Variants in UNC13B observed in about 807,000 individuals in gnomAD.
The protein encoded by UNC13B is protein unc-13 homolog B.
UNC13B carries 144 observed loss-of-function variants against 211.0 expected under a neutral mutation model. The ratio of observed to expected loss-of-function variants is 0.68; its 90% CI spans 0.60 to 0.78. The LOEUF is 0.78. Ranked by LOEUF, UNC13B falls within the 30% of genes least tolerant of loss-of-function variation. The pLI is 0.00. For synonymous variants in UNC13B, 709 were observed against 725.8 expected (o/e 0.98, Z 0.37); for missense variants, 1,777 against 2,002.0 (o/e 0.89, Z 2.14).
chr9:35,304,518 T>A lies in UNC13B; in HGVS notation c.5114T>A (p.Leu1705Gln), dbSNP rs1408331122. Residue 1705 changes from leucine (L) to glutamine (Q), a missense_variant, in exon 9 of 40, where the codon CTA (leucine) becomes CAA (glutamine). Leu to Gln is a moderately radical substitution (Grantham distance 113). Transcript: ENST00000635942. ...ATAGAGAGAGATAAAAACCAGCCTC[T>A]AGCTGAAGATTCATCAGTTCACCTT... Reference protein sequence around the residue: ...QIIERDKNQPLAEDSSVHLSS... With the variant: ...QIIERDKNQPQAEDSSVHLSS... The A allele has an allele frequency of 2.5e-6, 1 of 398,658 alleles. No homozygotes were observed. Among genetic ancestry groups the A allele is most frequent in the African/African-American group, 2.1e-5 (1 of 48,618 alleles). The allele number at this position is 398,658 out of a possible 1,614,324, so 24.7% of individuals were successfully genotyped here. A position where few individuals can be genotyped will look rare whatever the true frequency, so the allele number is the denominator to read the frequency against.
In UNC13B at chr9:35,382,386, T is replaced by C. The variant is rs77118641; in HGVS notation, c.10685T>C (p.Met3562Thr). 75 of 1,613,932 alleles carry C rather than the reference T, an allele frequency of 4.6e-5. 1 individual carries two copies. In the East Asian group the frequency reaches 1.6e-3, roughly 35 times the overall value. Residue 3562 changes from methionine to threonine, a missense_variant, in exon 21 of 40, where the codon ATG (methionine) becomes ACG (threonine). Transcript: ENST00000635942. Reference sequence around the variant, plus strand: ...TTTGCATGTTTATCATCCAAGTACATGTGTCCTGGTGTGCCAGCAGTGATG... The same window carrying C: ...TTTGCATGTTTATCATCCAAGTACACGTGTCCTGGTGTGCCAGCAGTGATG... The part of the protein sequence containing the change: ...THFACLSSKY[M>T]CPGVPAVMST...
intron 12 of UNC13B, among the ~76,000 whole-genome samples, chr9:35,368,093 G>A (rs1833889458): frequency 6.6e-6 from 1 of 152,028 alleles, no homozygotes; most frequent in South Asian, 2.1e-4. Context: ...TAGGTTCAGG[G>A]GTACATGTGC....
At chr9:35,376,826 A>G (rs1587726744) in intron 15 of UNC13B, among the ~76,000 whole-genome samples, 1 of 152,232 alleles carries the variant, frequency 6.6e-6, no homozygotes. Flanking sequence ...AGTGGGGACA[A>G]TAGGAGCAGG....
intron 11 of UNC13B, among the ~76,000 whole-genome samples, chr9:35,334,617 A>G (rs1587643146): frequency 1.3e-5 from 2 of 152,330 alleles, no homozygotes; most frequent in South Asian, 2.1e-4. Flanking sequence ...TTTTCCTTGC[A>G]TACTTACAGG....
At chr9:35,351,503 AC>A (rs1832717284) in intron 11 of UNC13B, 1 of 1,232,076 alleles carries the variant, frequency 8.1e-7, no homozygotes, top group African/African-American at 1.6e-5. Context: ...GAAGCAGAGA[AC>A]CCCTCAAACC....
chr9:35,384,327 A>C lies in UNC13B; in HGVS notation c.10875+13A>C, dbSNP rs367843778. The C allele has an allele frequency of 1.4e-5, 22 of 1,613,210 alleles. No individual in the cohort carries two copies. The African/African-American group carries it at 2.8e-4, about 21-fold the overall frequency. On this transcript the variant is annotated intron_variant, in intron 22 of 39. Coordinates refer to ENST00000635942, the MANE Select transcript of UNC13B (RefSeq NM_001371189.2). Reference sequence around the variant, plus strand: ...CTCTACATACAGGGTGAGTGAAGACACGGCTGTGGGCAGGATAATAGATAT... The same window carrying C: ...CTCTACATACAGGGTGAGTGAAGACCCGGCTGTGGGCAGGATAATAGATAT...
At chr9:35,285,356 C>G (rs1828730801) in intron 7 of UNC13B, among the ~76,000 whole-genome samples, 1 of 152,108 alleles carries the variant, frequency 6.6e-6, no homozygotes, top group Non-Finnish European at 1.5e-5. Flanking sequence ...TTGAAAAGCC[C>G]TTTGAATTAG....
At chr9:35,171,624 G>A (rs970070209) in intron 1 of UNC13B, among the ~76,000 whole-genome samples, 7 of 152,134 alleles carry the variant, frequency 4.6e-5, no homozygotes, top group East Asian at 1.9e-4. Context: ...GGCTGGTGTC[G>A]AACTCCTGGC....
intron 11 of UNC13B, among the ~76,000 whole-genome samples, chr9:35,349,452 A>G (rs1055369255): frequency 1.3e-5 from 2 of 152,000 alleles, no homozygotes; most frequent in Non-Finnish European, 2.9e-5. Context: ...AGCGTGGTCT[A>G]CCTAGGCAGC....
Position 35,308,202 on chromosome 9 carries a change from C to T in UNC13B, c.8798C>T (p.Ala2933Val). 2.5e-6 allele frequency: 1 copy of T among 399,788 alleles called. No homozygotes were observed. The highest frequency in any genetic ancestry group is 1.3e-4 in the South Asian group (1 of 7,870). 24.8% of individuals were successfully genotyped at this position (399,788 alleles called of 1,614,324 possible). A position where few individuals can be genotyped will look rare whatever the true frequency, so the allele number is the denominator to read the frequency against. The change falls in exon 9 of 40, where the codon GCA becomes GTA. Residue 2933 changes from alanine to valine, a missense_variant. Physicochemically the swap from Ala to Val is moderately conservative, Grantham distance 64. Coordinates refer to ENST00000635942, the MANE Select transcript of UNC13B (RefSeq NM_001371189.2). ...GEGGNQQEIS[A>V]SGEHWDTKAN... The stretch of plus-strand genomic sequence containing the variant: ...GGGGGAAACCAGCAGGAAATCTCAG[C>T]ATCTGGAGAACACTGGGATACCAAA...
intron 8 of UNC13B, among the ~76,000 whole-genome samples, chr9:35,298,122 A>G (rs1829489414): frequency 6.6e-6 from 1 of 152,186 alleles, no homozygotes; most frequent in African/African-American, 2.4e-5. Context: ...TTTAGTTTCT[A>G]AAATTCACTA....
intron 6 of UNC13B, among the ~76,000 whole-genome samples, chr9:35,248,670 A>G (rs1345340845): frequency 1.3e-5 from 2 of 152,046 alleles, no homozygotes; most frequent in African/African-American, 2.4e-5. Flanking sequence ...GCGGTTTTGA[A>G]TGAGTTTATT....
intron 7 of UNC13B, among the ~76,000 whole-genome samples, chr9:35,285,473 C>T (rs1828738057): frequency 6.6e-6 from 1 of 152,108 alleles, no homozygotes; most frequent in African/African-American, 2.4e-5. Context: ...AATCCCAGCA[C>T]TTTGGGAGCC....
At chr9:35,173,439 T>G (rs186943504) in intron 1 of UNC13B, among the ~76,000 whole-genome samples, 2,072 of 151,986 alleles carry the variant, frequency 0.014, 47 homozygotes, top group African/African-American at 0.047. Flanking sequence ...TTTTTTTTTT[T>G]TGGGGACAGA....
chr9:35,292,226 C>T (rs1829134502), intron 7 of UNC13B, among the ~76,000 whole-genome samples: 1 of 152,162 alleles, frequency 6.6e-6, no homozygotes, highest in Non-Finnish European at 1.5e-5. Flanking sequence ...TAGAGGGCCT[C>T]ATTTTTCTGT....
intron 7 of UNC13B, among the ~76,000 whole-genome samples, chr9:35,262,081 A>G (rs1210128017): frequency 6.6e-6 from 1 of 152,156 alleles, no homozygotes; most frequent in Non-Finnish European, 1.5e-5. Context: ...TTGCTGCAAC[A>G]AACATAGGAG....
chr9:35,273,820 A>T (rs142931059), intron 7 of UNC13B, among the ~76,000 whole-genome samples: 1 of 152,248 alleles, frequency 6.6e-6, no homozygotes, highest in Non-Finnish European at 1.5e-5. Flanking sequence ...CCGCCTCTCA[A>T]TGGAGGCTAG....
At chr9:35,348,156 C>A (rs1391237460) in intron 11 of UNC13B, among the ~76,000 whole-genome samples, 2 of 152,146 alleles carry the variant, frequency 1.3e-5, no homozygotes, top group African/African-American at 4.8e-5. Flanking sequence ...CAGATAGGCC[C>A]CAGGTTAGCC....
intron 30 of UNC13B, 129 bp downstream of exon 30, chr9:35,397,841 T>C: frequency 1.1e-6 from 1 of 937,732 alleles, no homozygotes. Context: ...ATGGCTTTGC[T>C]TCAGATCCAT....
Sources: gnomAD v4.1 joint callset for allele counts (sites outside exome capture counted in the v4.1 genomes callset) on GRCh38, gnomAD v4.1.1 for gene constraint, MANE v1.5 for transcripts, NCBI Gene and HGNC (gene_info 2026-07-23, HGNC 2026-07-21) for gene names.